Variants in POTEI observed in about 807,000 individuals in gnomAD.
The protein encoded by POTEI is POTE ankyrin domain family, member I.
In POTEI, 14 loss-of-function variants were observed where a neutral mutation model predicts 43.4. That is an observed-to-expected ratio of 0.32 (90% CI 0.21 to 0.50). The LOEUF (loss-of-function observed/expected upper bound fraction) is 0.50. Among genes scored for constraint, POTEI ranks in the 20% least tolerant of loss-of-function variants. POTEI has a pLI of 0.98. For missense variants in POTEI, 235 were observed against 795.4 expected, an observed-to-expected ratio of 0.30 and a Z score of 8.47; for synonymous variants, 95 against 297.9, an observed-to-expected ratio of 0.32 and a Z score of 7.01.
chr2:130,486,583 G>A (rs1406928001), intron 9 of POTEI, among the ~76,000 whole-genome samples: 1 of 15,252 alleles, frequency 6.6e-5, no homozygotes, highest in African/African-American at 1.2e-4. Flanking sequence ...ACACAGCCAT[G>A]CTTATTCACT....
chr2:130,508,994 C>A lies in POTEI; in HGVS notation c.242G>T (p.Gly81Val), dbSNP rs778413791. Reference sequence around the variant, plus strand: ...GGAGTCGTCGTGGTCTCCAGAAGTGCCCACGTTGCTCTTGCCACTCCCCCT... The same window carrying A: ...GGAGTCGTCGTGGTCTCCAGAAGTGACCACGTTGCTCTTGCCACTCCCCCT... ...CCRGSGKSNV[G>V]TSGDHDDSAM... Residue 81 changes from glycine (G) to valine (V), a missense_variant, in exon 1 of 15, where the codon GGC (glycine) becomes GTC (valine). Gly to Val is a moderately radical substitution (Grantham distance 109). Transcript: ENST00000451531. The A allele has an allele frequency of 1.6e-5, 25 of 1,516,022 alleles. 2 individuals carry two copies. In the East Asian group the frequency reaches 3.8e-4, roughly 23 times the overall value. The allele number at this position is 1,516,022 out of a possible 1,614,324, so 93.9% of individuals were successfully genotyped here. A position where few individuals can be genotyped will look rare whatever the true frequency, so the allele number is the denominator to read the frequency against.
chr2:130,491,679 G>A (rs1430486765), intron 6 of POTEI, among the ~76,000 whole-genome samples: 7 of 59,564 alleles, frequency 1.2e-4, no homozygotes, highest in Non-Finnish European at 1.9e-4. Context: ...TTTGAGCCAG[G>A]GTCTTGCTCT....
In POTEI at chr2:130,488,675, C is replaced by T. The variant is rs531379906; in HGVS notation, c.1243-477G>A. On this transcript the variant is annotated intron_variant, in intron 8 of 14. Coordinates refer to ENST00000451531, the MANE Select transcript of POTEI (RefSeq NM_001277406.2). ...GAAAGGAAGTTTGCCCTTTTCTGCGCTAAGATATTCTTCTACCCCACTGCC... is the reference window on the plus strand; with the variant it reads ...GAAAGGAAGTTTGCCCTTTTCTGCGTTAAGATATTCTTCTACCCCACTGCC... 8.5e-3 allele frequency among the ~76,000 whole-genome samples: 1,053 copies of T among 123,256 alleles called. 101 individuals are homozygous for T. The highest frequency in any genetic ancestry group is 0.03 in the African/African-American group (986 of 32,820). The allele number at this position is 123,256 out of a possible 152,430, so 80.9% of individuals were successfully genotyped here.
At chr2:130,491,581 T>C (rs553453189) in intron 6 of POTEI, among the ~76,000 whole-genome samples, 857 of 41,042 alleles carry the variant, frequency 0.021, 47 homozygotes, top group African/African-American at 0.055. Flanking sequence ...CTGACACCTT[T>C]ATTAGTGTAC....
intron 9 of POTEI, among the ~76,000 whole-genome samples, chr2:130,482,443 C>T (rs1683423596): frequency 6.7e-6 from 1 of 150,320 alleles, no homozygotes; most frequent in Admixed American, 6.6e-5. Context: ...GAGGACTACG[C>T]TGCCTTATTT....
rs1433808146 is a variant in POTEI, at chr2:130,461,982, CATT to C, written c.*831_*833del. The stretch of plus-strand genomic sequence containing the variant: ...CTTTTAGGTGAGATAAATGAGAATT[CATT>C]GTCTTCTGTAAATAAACCTGTTCAT... On this transcript the variant is annotated 3_prime_UTR_variant, in exon 15 of 15. Transcript: ENST00000451531. 1 of 151,176 alleles carries C rather than the reference CATT, an allele frequency of 6.6e-6. No homozygotes were observed. The highest frequency in any genetic ancestry group is 2.4e-5 in the African/African-American group (1 of 41,224). 9.4% of individuals were successfully genotyped at this position (151,176 alleles called of 1,614,324 possible). A position where few individuals can be genotyped will look rare whatever the true frequency, so the allele number is the denominator to read the frequency against.
intron 6 of POTEI, among the ~76,000 whole-genome samples, chr2:130,492,898 T>C (rs1490488576): frequency 1.3e-5 from 2 of 151,644 alleles, no homozygotes; most frequent in African/African-American, 4.9e-5. Context: ...TTTAGATTTC[T>C]ATCTAGTCTT....
At chr2:130,477,327 T>A (rs565788231) in intron 10 of POTEI, among the ~76,000 whole-genome samples, 78 of 143,736 alleles carry the variant, frequency 5.4e-4, no homozygotes, top group African/African-American at 2.0e-3. Flanking sequence ...CTGATTTTTG[T>A]ATTTTTAGTA....
chr2:130,507,317 TACACAC>T (rs56343526), intron 1 of POTEI, among the ~76,000 whole-genome samples: 876 of 12,948 alleles, frequency 0.068, 122 homozygotes, highest in East Asian at 0.12. Context: ...TATATATATA[TACACAC>T]ACACACACAC....
intron 9 of POTEI, among the ~76,000 whole-genome samples, chr2:130,483,599 G>GTTTT (rs1319437395): frequency 0.02 from 590 of 28,890 alleles, 25 homozygotes; most frequent in African/African-American, 0.063. Flanking sequence ...TGTCAAACTT[G>GTTTT]TTTTTTTTTT....
At chr2:130,507,312 AT>A (rs1684199483) in intron 1 of POTEI, among the ~76,000 whole-genome samples, 1 of 7,370 alleles carries the variant, frequency 1.4e-4, no homozygotes, top group South Asian at 0.024. Flanking sequence ...ATATATATAT[AT>A]ATATACACAC....
chr2:130,477,159 CT>C (rs879759124), intron 10 of POTEI, among the ~76,000 whole-genome samples: 460 of 144,770 alleles, frequency 3.2e-3, no homozygotes, highest in Admixed American at 3.2e-3. Flanking sequence ...TTTCTTTTTT[CT>C]TTTTTTTTTT....
chr2:130,474,029 T>C (rs1022312412), intron 13 of POTEI, among the ~76,000 whole-genome samples: 9 of 145,124 alleles, frequency 6.2e-5, no homozygotes, highest in Non-Finnish European at 1.2e-4. Flanking sequence ...CTTTCGAGTA[T>C]TTTGTTTATT....
chr2:130,460,530 T>C lies in POTEI; in HGVS notation c.*2286A>G, dbSNP rs1682590140. 6.7e-6 allele frequency: 1 copy of C among 149,680 alleles called. No individual in the cohort carries two copies. Among genetic ancestry groups the C allele is most frequent in the Admixed American group, 6.6e-5 (1 of 15,052 alleles). 9.3% of individuals were successfully genotyped at this position (149,680 alleles called of 1,614,324 possible). A position where few individuals can be genotyped will look rare whatever the true frequency, so the allele number is the denominator to read the frequency against. ...CCATCCCTGACCTCTGGGCTCCACATCACCTGACTTGCTGCTCCACCACTT... is the reference window on the plus strand; with the variant it reads ...CCATCCCTGACCTCTGGGCTCCACACCACCTGACTTGCTGCTCCACCACTT... On this transcript the variant is annotated 3_prime_UTR_variant, in exon 15 of 15. Coordinates refer to ENST00000451531, the MANE Select transcript of POTEI (RefSeq NM_001277406.2).
At chr2:130,491,820 A>C (rs1683748236) in intron 6 of POTEI, among the ~76,000 whole-genome samples, 1 of 86,684 alleles carries the variant, frequency 1.2e-5, no homozygotes, top group Non-Finnish European at 2.6e-5. Flanking sequence ...ATGCCCTGCT[A>C]ATTTTCGTGT....
intron 5 of POTEI, 123 bp from the exon 6 acceptor site, chr2:130,496,745 T>A (rs1485363989): frequency 1.1e-5 from 7 of 646,266 alleles, no homozygotes; most frequent in East Asian, 5.9e-5. Context: ...AATAGTATTA[T>A]CCCATCCACT....
Position 130,461,241 on chromosome 2 carries a change from C to A in POTEI, c.*1575G>T, listed in dbSNP as rs1183124294. 1.1e-4 allele frequency: 17 copies of A among 151,042 alleles called. No individual in the cohort carries two copies. Among genetic ancestry groups the A allele is most frequent in the African/African-American group, 4.0e-4 (16 of 40,444 alleles). The allele number at this position is 151,042 out of a possible 1,614,324, so 9.4% of individuals were successfully genotyped here. A position where few individuals can be genotyped will look rare whatever the true frequency, so the allele number is the denominator to read the frequency against. On this transcript the variant is annotated 3_prime_UTR_variant, in exon 15 of 15. Coordinates refer to ENST00000451531, the MANE Select transcript of POTEI (RefSeq NM_001277406.2). Reference sequence around the variant, plus strand: ...GTGCTGTGCTGGGGGTTCACTTCAGCCCCTGGTCCGCCTCAGACACTCTGA... The same window carrying A: ...GTGCTGTGCTGGGGGTTCACTTCAGACCCTGGTCCGCCTCAGACACTCTGA...
chr2:130,508,679 C>T (rs1369075652), intron 1 of POTEI, 36 bp downstream of exon 1: 6 of 801,140 alleles, frequency 7.5e-6, no homozygotes, highest in Middle Eastern at 3.7e-4. Flanking sequence ...CATCATCCCC[C>T]GACCTCCCAC....
chr2:130,483,460 G>A, intron 9 of POTEI, among the ~76,000 whole-genome samples: 1 of 143,972 alleles, frequency 6.9e-6, no homozygotes, highest in Non-Finnish European at 1.5e-5. Context: ...CATAAATAGT[G>A]AATAACCACA....
Sources: gnomAD v4.1 joint callset for allele counts (sites outside exome capture counted in the v4.1 genomes callset) on GRCh38, gnomAD v4.1.1 for gene constraint, MANE v1.5 for transcripts, NCBI Gene and HGNC (gene_info 2026-07-23, HGNC 2026-07-21) for gene names.